The following ADK variants were observed in gnomAD, a reference collection of about 807,000 sequenced individuals.
The protein encoded by ADK is adenosine kinase.
In ADK, 24 loss-of-function variants were observed where a neutral mutation model predicts 44.7. That is an observed-to-expected ratio of 0.54 (90% CI 0.39 to 0.76). The LOEUF (loss-of-function observed/expected upper bound fraction) is 0.76, where lower values mean the gene tolerates loss of function less well. ADK is among the 30% of genes least tolerant of loss of function. ADK has a pLI of 0.00. For synonymous variants in ADK, 128 were observed against 142.6 expected (o/e 0.90, Z 0.73); for missense variants, 321 against 425.1 (o/e 0.76, Z 2.15).
intron 4 of ADK, among the ~76,000 whole-genome samples, chr10:74,320,482 G>A (rs1335816245): frequency 1.3e-5 from 2 of 152,044 alleles, no homozygotes; most frequent in Non-Finnish European, 2.9e-5. Flanking sequence ...TTAAATTCAT[G>A]CTTCAAGTTC....
At chr10:74,357,608 A>AT (rs1381103276) in intron 4 of ADK, among the ~76,000 whole-genome samples, 8 of 151,722 alleles carry the variant, frequency 5.3e-5, no homozygotes, top group Admixed American at 2.6e-4. Flanking sequence ...GCCCTTTGTG[A>AT]TTTTTTTAAC....
intron 4 of ADK, among the ~76,000 whole-genome samples, chr10:74,336,495 TTTGTAG>T (rs1435881369): frequency 6.6e-6 from 1 of 152,232 alleles, no homozygotes; most frequent in Admixed American, 6.5e-5. Flanking sequence ...GTCAATATTT[TTTGTAG>T]TTGTAGACGT....
intron 8 of ADK, among the ~76,000 whole-genome samples, chr10:74,593,970 G>T (rs367916564): frequency 1.5e-4 from 23 of 152,120 alleles, no homozygotes; most frequent in African/African-American, 5.3e-4. Flanking sequence ...TCCAGTAATG[G>T]TATTGCTGGG....
At chr10:74,542,181 G>A (rs1849663114) in intron 7 of ADK, among the ~76,000 whole-genome samples, 1 of 152,130 alleles carries the variant, frequency 6.6e-6, no homozygotes, top group African/African-American at 2.4e-5. Context: ...GTCACATGGT[G>A]ACCTTGGAAG....
At chr10:74,681,838 A>G (rs1013338511) in intron 10 of ADK, among the ~76,000 whole-genome samples, 3 of 140,152 alleles carry the variant, frequency 2.1e-5, no homozygotes, top group African/African-American at 7.7e-5. Flanking sequence ...CGACAGAGTG[A>G]GACTCCATCT....
intron 7 of ADK, among the ~76,000 whole-genome samples, chr10:74,582,387 A>G (rs552434961): frequency 3.3e-5 from 5 of 152,170 alleles, no homozygotes; most frequent in Admixed American, 6.6e-5. Flanking sequence ...TTCTTATGCT[A>G]GCCTCTTTCT....
intron 4 of ADK, among the ~76,000 whole-genome samples, chr10:74,373,059 G>A (rs1394113764): frequency 6.6e-6 from 1 of 151,862 alleles, no homozygotes; most frequent in Non-Finnish European, 1.5e-5. Flanking sequence ...TTCTATAAGT[G>A]TGCCATGGCA....
chr10:74,370,202 A>C (rs745578506), intron 4 of ADK, among the ~76,000 whole-genome samples: 3 of 152,226 alleles, frequency 2.0e-5, no homozygotes, highest in Non-Finnish European at 4.4e-5. Flanking sequence ...AGCTATATAC[A>C]TAAGCCAAAA....
intron 2 of ADK, among the ~76,000 whole-genome samples, chr10:74,216,866 A>G (rs929026742): frequency 1.3e-5 from 2 of 152,306 alleles, no homozygotes; most frequent in Admixed American, 1.3e-4. Flanking sequence ...CATCCTTTTT[A>G]TATTAATAAA....
intron 9 of ADK, among the ~76,000 whole-genome samples, chr10:74,607,127 T>C (rs1211017208): frequency 7.9e-5 from 12 of 152,170 alleles, no homozygotes; most frequent in Admixed American, 7.9e-4. Context: ...ACGTGTGTCT[T>C]TGCACATGAG....
chr10:74,391,010 A>G (rs559392902), intron 4 of ADK, among the ~76,000 whole-genome samples: 61 of 152,074 alleles, frequency 4.0e-4, no homozygotes, highest in South Asian at 2.1e-4. Context: ...TGTTCAGCAA[A>G]CCTAGTTCCC....
At chr10:74,644,496 G>A (rs982383127) in intron 9 of ADK, among the ~76,000 whole-genome samples, 1 of 152,160 alleles carries the variant, frequency 6.6e-6, no homozygotes, top group Non-Finnish European at 1.5e-5. Context: ...ACAAGCTATT[G>A]TTCAAACTTT....
At chr10:74,351,307 C>T (rs1211279418) in intron 4 of ADK, among the ~76,000 whole-genome samples, 1 of 152,130 alleles carries the variant, frequency 6.6e-6, no homozygotes, top group Non-Finnish European at 1.5e-5. Context: ...TAAACAGAAC[C>T]AATGACAAAA....
chr10:74,463,016 A>G (rs568767624), intron 6 of ADK, among the ~76,000 whole-genome samples: 7 of 152,208 alleles, frequency 4.6e-5, no homozygotes, highest in Non-Finnish European at 7.3e-5. Flanking sequence ...CTCAAATTTT[A>G]TCAGTAAATA....
chr10:74,548,785 GTCAC>G (rs990894651), intron 7 of ADK, among the ~76,000 whole-genome samples: 2 of 152,174 alleles, frequency 1.3e-5, no homozygotes, highest in African/African-American at 4.8e-5. Flanking sequence ...GTACACTGTA[GTCAC>G]TCAATAAATA....
intron 6 of ADK, among the ~76,000 whole-genome samples, chr10:74,449,577 G>A (rs1348146603): frequency 6.6e-6 from 1 of 152,004 alleles, no homozygotes; most frequent in East Asian, 1.9e-4. Context: ...AATCTGTTTA[G>A]TGCCTAGTAT....
chr10:74,401,578 T>G (rs528581477), intron 6 of ADK, among the ~76,000 whole-genome samples: 56 of 152,132 alleles, frequency 3.7e-4, no homozygotes, highest in African/African-American at 1.2e-3. Flanking sequence ...TTTTTTTTTT[T>G]GTTTTCCATT....
chr10:74,394,172 C>T lies in ADK; in HGVS notation c.305C>T (p.Thr102Ile). The change falls in exon 5 of 11, where the codon ACA (threonine) becomes ATA (isoleucine). Residue 102 changes from threonine to isoleucine, a missense_variant. Transcript: ENST00000539909. ...WMIQQPHKAA[T>I]FFGCIGIDKF... ...ATTCAACAGCCACACAAAGCAGCAA[C>T]ATTTTTTGGATGCATTGGGATAGAT... The T allele has an allele frequency of 6.2e-7, 1 of 1,613,988 alleles. No homozygotes were observed. The highest frequency in any genetic ancestry group is 2.2e-5 in the East Asian group (1 of 44,866).
chr10:74,331,011 A>C (rs1299423730), intron 4 of ADK, among the ~76,000 whole-genome samples: 1 of 152,032 alleles, frequency 6.6e-6, no homozygotes, highest in Admixed American at 6.6e-5. Context: ...TTCCCACCCC[A>C]ATTTATATTT....
Sources: allele counts gnomAD v4.1 joint callset (sites outside exome capture counted in the v4.1 genomes callset), GRCh38; gene constraint gnomAD v4.1.1; transcripts MANE v1.5; gene names NCBI Gene and HGNC (gene_info 2026-07-23, HGNC 2026-07-21).